Variants in KLF12 observed in about 807,000 individuals in gnomAD.
KLF12 encodes Krueppel-like factor 12.
KLF12 carries 9 observed loss-of-function variants against 37.8 expected under a neutral mutation model. The observed-to-expected ratio is 0.24, with a 90% confidence interval of 0.14 to 0.42. KLF12 has a LOEUF of 0.42. KLF12 is among the 10% of genes least tolerant of loss of function. KLF12 has a pLI of 1.00. For missense variants in KLF12, 411 were observed against 516.0 expected, an observed-to-expected ratio of 0.80 and a Z score of 1.97; for synonymous variants, 208 against 202.1, an observed-to-expected ratio of 1.03 and a Z score of -0.25.
chr13:73,834,900 C>T (rs1884349842), intron 4 of KLF12, among the ~76,000 whole-genome samples: 1 of 152,178 alleles, frequency 6.6e-6, no homozygotes, highest in Non-Finnish European at 1.5e-5. Context: ...TTCCTAGTAG[C>T]ACACAAGTTG....
chr13:73,746,978 C>T (rs1483789338), intron 6 of KLF12, among the ~76,000 whole-genome samples: 1 of 151,918 alleles, frequency 6.6e-6, no homozygotes, highest in Non-Finnish European at 1.5e-5. Context: ...CCACACCTGG[C>T]TAATTTTTTT....
At chr13:73,953,639 C>A (rs538000094) in intron 2 of KLF12, among the ~76,000 whole-genome samples, 1 of 152,220 alleles carries the variant, frequency 6.6e-6, no homozygotes, top group Non-Finnish European at 1.5e-5. Flanking sequence ...CTGTGGGAAA[C>A]AAAGGAAATA....
intron 2 of KLF12, among the ~76,000 whole-genome samples, chr13:73,968,424 T>C (rs1375649295): frequency 4.6e-5 from 7 of 152,242 alleles, no homozygotes; most frequent in African/African-American, 1.4e-4. Flanking sequence ...ATTCTATGCA[T>C]GATATTTCAC....
In KLF12 at chr13:74,116,663, G is replaced by A. The variant is rs377474958; in HGVS notation, c.-32+17076C>T. 3.9e-5 allele frequency among the ~76,000 whole-genome samples: 6 copies of A among 152,130 alleles called. No homozygotes were observed. The East Asian group carries it at 9.6e-4, about 24-fold the overall frequency. ...TCTTACAAAGATCAAAGACTGCTAT[G>A]ATCTTCAAATTAGGGTTGGAAACTA... On this transcript the variant is annotated intron_variant, in intron 1 of 7. Coordinates refer to ENST00000377669, the MANE Select transcript of KLF12 (RefSeq NM_007249.5).
the KLF12 span, among the ~76,000 whole-genome samples, chr13:74,293,890 G>A: frequency 6.6e-6 from 1 of 152,186 alleles, no homozygotes; most frequent in Non-Finnish European, 1.5e-5. Context: ...TCTTAAAAGT[G>A]TATAGAGTCA....
chr13:74,181,430 C>T, the KLF12 span, among the ~76,000 whole-genome samples: 4 of 150,500 alleles, frequency 2.7e-5, no homozygotes, highest in Non-Finnish European at 5.9e-5. Flanking sequence ...CGCCTGTAAT[C>T]CCAACACTTT....
the KLF12 span, among the ~76,000 whole-genome samples, chr13:74,248,374 C>A: frequency 6.6e-6 from 1 of 152,192 alleles, no homozygotes; most frequent in African/African-American, 2.4e-5. Flanking sequence ...AGACTATTTG[C>A]ACTTTTATTA....
chr13:74,099,774 A>AT (rs1876207916), intron 1 of KLF12, among the ~76,000 whole-genome samples: 1 of 152,206 alleles, frequency 6.6e-6, no homozygotes, highest in East Asian at 1.9e-4. Flanking sequence ...GACCATGTCT[A>AT]TCTCCACTTC....
intron 6 of KLF12, among the ~76,000 whole-genome samples, chr13:73,723,500 T>TAA (rs112588064): frequency 8.8e-5 from 13 of 147,680 alleles, no homozygotes; most frequent in African/African-American, 2.5e-4. Context: ...ACATAAACCT[T>TAA]AAAAAAAAAA....
At chr13:73,704,940 A>C (rs149765450) in intron 7 of KLF12, among the ~76,000 whole-genome samples, 1 of 152,248 alleles carries the variant, frequency 6.6e-6, no homozygotes, top group Admixed American at 6.5e-5. Flanking sequence ...GAGGGTCAAC[A>C]TAAGAGTAAT....
chr13:73,748,106 A>G (rs1344338024), intron 6 of KLF12, among the ~76,000 whole-genome samples: 1 of 152,142 alleles, frequency 6.6e-6, no homozygotes, highest in African/African-American at 2.4e-5. Context: ...CGCCTCTATC[A>G]CCAGAGGATG....
intron 2 of KLF12, among the ~76,000 whole-genome samples, chr13:73,979,341 C>A (rs1182633128): frequency 1.4e-5 from 2 of 139,624 alleles, no homozygotes; most frequent in African/African-American, 2.8e-5. Flanking sequence ...CTTTTAAAAA[C>A]AGTCTGCTTT....
At chr13:74,102,233 A>G (rs1876395029) in intron 1 of KLF12, among the ~76,000 whole-genome samples, 2 of 151,766 alleles carry the variant, frequency 1.3e-5, no homozygotes, top group African/African-American at 4.8e-5. Flanking sequence ...AAAGAAAAAA[A>G]AAAAAAGAAT....
intron 4 of KLF12, among the ~76,000 whole-genome samples, chr13:73,820,305 T>C (rs998584282): frequency 6.6e-6 from 1 of 152,190 alleles, no homozygotes; most frequent in African/African-American, 2.4e-5. Flanking sequence ...CTTGGTTACA[T>C]CAAGGTCTAT....
intron 3 of KLF12, among the ~76,000 whole-genome samples, chr13:73,861,954 G>T (rs1885949501): frequency 6.6e-6 from 1 of 151,936 alleles, no homozygotes; most frequent in Admixed American, 6.6e-5. Context: ...ATACAAATGT[G>T]TGTGTCTACG....
the KLF12 span, among the ~76,000 whole-genome samples, chr13:74,139,978 C>T: frequency 6.6e-6 from 1 of 151,972 alleles, no homozygotes; most frequent in South Asian, 2.1e-4. Context: ...ATATACAATA[C>T]ATTAACCTAG....
At chr13:74,122,317 C>T (rs1877676571) in intron 1 of KLF12, among the ~76,000 whole-genome samples, 1 of 152,034 alleles carries the variant, frequency 6.6e-6, no homozygotes, top group Non-Finnish European at 1.5e-5. Flanking sequence ...ACAAACATCA[C>T]AAAAGATGTT....
At chr13:74,145,815 T>C in the KLF12 span, among the ~76,000 whole-genome samples, 1 of 152,198 alleles carries the variant, frequency 6.6e-6, no homozygotes, top group Admixed American at 6.6e-5. Context: ...TCTCTGAGCC[T>C]GGTCTTGGAT....
intron 1 of KLF12, among the ~76,000 whole-genome samples, chr13:74,041,739 C>CA (rs1235044663): frequency 6.7e-6 from 1 of 148,692 alleles, no homozygotes; most frequent in Non-Finnish European, 1.5e-5. Flanking sequence ...CACACCCCTT[C>CA]AAAACAGAAA....
Sources: gnomAD v4.1 joint callset for allele counts (sites outside exome capture counted in the v4.1 genomes callset) on GRCh38, gnomAD v4.1.1 for gene constraint, MANE v1.5 for transcripts, NCBI Gene and HGNC (gene_info 2026-07-23, HGNC 2026-07-21) for gene names.